The following ADAMTS14 variants were observed in gnomAD, a reference collection of about 807,000 sequenced individuals.
ADAMTS14 encodes the protein A disintegrin and metalloproteinase with thrombospondin motifs 14.
A neutral mutation model predicts 128.6 loss-of-function variants in ADAMTS14; 100 were observed. The observed-to-expected ratio is 0.78, with a 90% CI of 0.66 to 0.92. The LOEUF is 0.92. Among genes scored for constraint, ADAMTS14 ranks in the 40% least tolerant of loss-of-function variants. The probability of loss-of-function intolerance (pLI) is 0.00; values close to 1 mark genes in which losing one functional copy is unlikely to be tolerated. For synonymous variants in ADAMTS14, 665 were observed against 653.8 expected (o/e 1.02, Z -0.26); for missense variants, 1,562 against 1,658.6 (o/e 0.94, Z 1.01).
At chr10:70,725,023 T>C (rs935345597) in intron 4 of ADAMTS14, among the ~76,000 whole-genome samples, 1 of 152,088 alleles carries the variant, frequency 6.6e-6, no homozygotes, top group Non-Finnish European at 1.5e-5. Context: ...AATGTCTTCA[T>C]TTCATCATGG....
intron 4 of ADAMTS14, among the ~76,000 whole-genome samples, chr10:70,725,292 A>T (rs574021578): frequency 6.6e-6 from 1 of 152,142 alleles, no homozygotes; most frequent in South Asian, 2.1e-4. Flanking sequence ...AACAGGTCTC[A>T]TGCCCCAGGG....
Position 70,691,722 on chromosome 10 carries a change from C to G in ADAMTS14, c.523-10590C>G, listed in dbSNP as rs1840195478. Reference sequence around the variant, plus strand: ...CCACTCAGCAGATCACAGCTGCTCCCTCTACCTCCCAGGCTTCCCCCACGC... The same window carrying G: ...CCACTCAGCAGATCACAGCTGCTCCGTCTACCTCCCAGGCTTCCCCCACGC... On this transcript the variant is annotated intron_variant, in intron 2 of 21. Transcript: ENST00000373207. Among the ~76,000 whole-genome samples, 3 of 152,118 alleles carry G rather than the reference C, an allele frequency of 2.0e-5. No homozygotes were observed. In the South Asian group the frequency reaches 6.2e-4, roughly 32 times the overall value.
At chr10:70,707,369 A>G (rs1420283316) in intron 3 of ADAMTS14, among the ~76,000 whole-genome samples, 2 of 152,112 alleles carry the variant, frequency 1.3e-5, no homozygotes, top group African/African-American at 4.8e-5. Flanking sequence ...GGGATAAATG[A>G]AGGTTCTTAG....
chr10:70,751,585 G>A lies in ADAMTS14; in HGVS notation c.2535G>A (p.Glu845=). Residue 845 remains glutamate, a synonymous_variant, in exon 17 of 22, where the codon GAG becomes GAA. Coordinates refer to ENST00000373207, the MANE Select transcript of ADAMTS14 (RefSeq NM_080722.4). ...LIGSNNVLLE[E]MDTYEWALKS... ...GGAGCAACAATGTGCTCCTGGAGGA[G>A]ATGGACACCTATGAGTGGGCGCTCA... The A allele has an allele frequency of 6.2e-7, 1 of 1,613,870 alleles. No individual in the cohort carries two copies. The highest frequency in any genetic ancestry group is 8.5e-7 in the Non-Finnish European group (1 of 1,179,786).
rs553129835 is a variant in ADAMTS14 at position 70,760,219 on chromosome 10, C to T, written c.3179-141C>T. 4.8e-5 allele frequency: 54 copies of T among 1,131,294 alleles called. No homozygotes were observed. The African/African-American group carries it at 8.1e-4, about 17-fold the overall frequency. 70.1% of individuals were successfully genotyped at this position (1,131,294 alleles called of 1,614,324 possible). A position where few individuals can be genotyped will look rare whatever the true frequency, so the allele number is the denominator to read the frequency against. On this transcript the variant is annotated intron_variant, in intron 21 of 21. Coordinates refer to ENST00000373207, the MANE Select transcript of ADAMTS14 (RefSeq NM_080722.4). Reference sequence around the variant, plus strand: ...CCGTCAGGTGGCTCTGTAGCCCCCACCCTGAGAAAAAGCTTTATAGTGGGT... The same window carrying T: ...CCGTCAGGTGGCTCTGTAGCCCCCATCCTGAGAAAAAGCTTTATAGTGGGT...
intron 8 of ADAMTS14, among the ~76,000 whole-genome samples, chr10:70,734,645 C>T (rs1841767282): frequency 6.6e-6 from 1 of 152,174 alleles, no homozygotes; most frequent in Non-Finnish European, 1.5e-5. Context: ...AGGTACAGAG[C>T]AAGTGTTAGA....
chr10:70,720,734 G>T (rs930395124), intron 4 of ADAMTS14, among the ~76,000 whole-genome samples: 1 of 152,218 alleles, frequency 6.6e-6, no homozygotes, highest in Non-Finnish European at 1.5e-5. Context: ...TATAATACGG[G>T]TACCCACACA....
Position 70,757,990 on chromosome 10 carries a change from A to G in ADAMTS14, c.2966A>G (p.Gln989Arg), listed in dbSNP as rs1842518521. The G allele has an allele frequency of 6.2e-6, 10 of 1,613,040 alleles. No homozygotes were observed. In the South Asian group the frequency reaches 7.7e-5, roughly 12 times the overall value. The part of the protein sequence containing the change: ...QCSATCGEGI[Q>R]QRQVVCRTNA... The stretch of plus-strand genomic sequence containing the variant: ...TCTGCCACCTGTGGAGAGGGCATCC[A>G]GCAGCGGCAGGTGGTGTGCAGGACC... Residue 989 changes from glutamine to arginine, a missense_variant, in exon 20 of 22, where the codon CAG becomes CGG. Transcript: ENST00000373207.
intron 2 of ADAMTS14, among the ~76,000 whole-genome samples, chr10:70,694,924 G>A (rs1317057380): frequency 6.6e-6 from 1 of 152,172 alleles, no homozygotes; most frequent in Non-Finnish European, 1.5e-5. Context: ...ATGTGGTAAT[G>A]CTGTTAATCA....
intron 15 of ADAMTS14, among the ~76,000 whole-genome samples, chr10:70,746,355 T>C (rs371060155): frequency 6.6e-6 from 1 of 152,192 alleles, no homozygotes. Flanking sequence ...TGTCAAAAAA[T>C]GGACATGTCC....
chr10:70,743,843 G>C (rs958380425), intron 13 of ADAMTS14, among the ~76,000 whole-genome samples, 162 bp downstream of exon 13: 1 of 152,202 alleles, frequency 6.6e-6, no homozygotes, highest in African/African-American at 2.4e-5. Flanking sequence ...GCTAATTATT[G>C]CTCAGCCCCA....
At chr10:70,732,527 G>T (rs72814578) in intron 7 of ADAMTS14, among the ~76,000 whole-genome samples, 168 bp downstream of exon 7, 3,870 of 152,342 alleles carry the variant, frequency 0.025, 59 homozygotes, top group Middle Eastern at 0.037. Context: ...TACCAGTAGA[G>T]GGAGGCCCTA....
chr10:70,760,578 C>T lies in ADAMTS14; in HGVS notation c.3397C>T (p.Pro1133Ser). 6.2e-7 allele frequency: 1 copy of T among 1,613,754 alleles called. No homozygotes were observed. Among genetic ancestry groups the T allele is most frequent in the Non-Finnish European group, 8.5e-7 (1 of 1,179,834 alleles). The change falls in exon 22 of 22, where the codon CCT becomes TCT. Residue 1133 changes from proline (P) to serine (S), a missense_variant. Pro to Ser is a moderately conservative substitution (Grantham distance 74). Coordinates refer to ENST00000373207, the MANE Select transcript of ADAMTS14 (RefSeq NM_080722.4). ...CCAGGACCCTGCAGATGCTGCAGAG[C>T]CTCCTGGAAAGCCAACGGGATCAGA... ...GPQDPADAAE[P>S]PGKPTGSEDH...
intron 2 of ADAMTS14, among the ~76,000 whole-genome samples, chr10:70,696,118 C>A (rs552948462): frequency 6.6e-6 from 1 of 152,030 alleles, no homozygotes; most frequent in Admixed American, 6.5e-5. Context: ...TTCAAAGATG[C>A]GGGACACTCG....
At chr10:70,741,848 G>A (rs1842010462) in intron 12 of ADAMTS14, among the ~76,000 whole-genome samples, 1 of 152,198 alleles carries the variant, frequency 6.6e-6, no homozygotes, top group South Asian at 2.1e-4. Context: ...TCCAGTGAAG[G>A]GTTGGGATTC....
At chr10:70,718,998 G>A (rs1454808957) in intron 4 of ADAMTS14, among the ~76,000 whole-genome samples, 1 of 151,898 alleles carries the variant, frequency 6.6e-6, no homozygotes, top group Admixed American at 6.6e-5. Context: ...ACCCACCCAA[G>A]CAGTAGTTCT....
chr10:70,709,092 G>A (rs1050528182), intron 4 of ADAMTS14, among the ~76,000 whole-genome samples: 6 of 152,236 alleles, frequency 3.9e-5, no homozygotes, highest in African/African-American at 9.6e-5. Flanking sequence ...TCTGGGCTTG[G>A]ACACATTCAG....
rs1019849432 is a variant in ADAMTS14, at chr10:70,736,892, C to T, written c.1599+99C>T. 4.6e-6 allele frequency: 5 copies of T among 1,080,906 alleles called. No homozygotes were observed. In the African/African-American group the frequency reaches 7.9e-5, roughly 17 times the overall value. The allele number at this position is 1,080,906 out of a possible 1,614,324, so 67.0% of individuals were successfully genotyped here. A position where few individuals can be genotyped will look rare whatever the true frequency, so the allele number is the denominator to read the frequency against. ...CCAGAGTGAACCCTGACCCCTCCCT[C>T]CAAGTGCTTATATGAGTTGAGGGTG... On this transcript the variant is annotated intron_variant, in intron 10 of 21. Coordinates refer to ENST00000373207, the MANE Select transcript of ADAMTS14 (RefSeq NM_080722.4).
intron 2 of ADAMTS14, among the ~76,000 whole-genome samples, chr10:70,689,522 C>T (rs1840122558): frequency 6.9e-6 from 1 of 145,370 alleles, no homozygotes; most frequent in Non-Finnish European, 1.6e-5. Flanking sequence ...GGAACTGTGG[C>T]TCTGGTACAG....
Sources: allele counts gnomAD v4.1 joint callset (sites outside exome capture counted in the v4.1 genomes callset), GRCh38; gene constraint gnomAD v4.1.1; transcripts MANE v1.5; gene names NCBI Gene and HGNC (gene_info 2026-07-23, HGNC 2026-07-21).